Variants in CAPN15 observed in about 807,000 individuals in gnomAD.
The protein encoded by CAPN15 is calpain 15.
A neutral mutation model predicts 97.9 loss-of-function variants in CAPN15; 53 were observed. The ratio of observed to expected loss-of-function variants is 0.54; its 90% confidence interval spans 0.43 to 0.68. The LOEUF is 0.68. CAPN15 is among the 30% of genes least tolerant of loss of function. CAPN15 has a pLI of 0.00. For synonymous variants in CAPN15, 922 were observed against 722.5 expected (o/e 1.28, Z -4.43); for missense variants, 1,592 against 1,589.8 (o/e 1.00, Z -0.02).
At chr16:531,408 C>A (rs566637174) in intron 1 of CAPN15, among the ~76,000 whole-genome samples, 1 of 152,112 alleles carries the variant, frequency 6.6e-6, no homozygotes, top group African/African-American at 2.4e-5. Flanking sequence ...GAACCTCTTA[C>A]ACCTTCTGCC....
chr16:542,883 A>C (rs546215075), intron 3 of CAPN15, among the ~76,000 whole-genome samples: 1 of 152,176 alleles, frequency 6.6e-6, no homozygotes, highest in Non-Finnish European at 1.5e-5. Flanking sequence ...GTGAAACCCC[A>C]TCTCTACTAA....
chr16:552,075 T>C lies in CAPN15; in HGVS notation c.2370T>C (p.Cys790=). Residue 790 remains cysteine (C), a synonymous_variant, in exon 10 of 14, where the codon TGT becomes TGC. Coordinates refer to ENST00000219611, the MANE Select transcript of CAPN15 (RefSeq NM_005632.3). The surrounding 1 kb of genome is among the most constrained non-coding windows in gnomAD (Gnocchi z 6.4). ...GGTACTTCGACTCCGTGGACATCTG[T>C]AAGGTGCACTCGGACTGGCAGGAGG... ...FVRYFDSVDI[C]KVHSDWQEAR... 6.5e-7 allele frequency: 1 copy of C among 1,549,148 alleles called. No individual in the cohort carries two copies. The highest frequency in any genetic ancestry group is 8.7e-7 in the Non-Finnish European group (1 of 1,146,922).
At position 536,101 on chromosome 16, in the gene CAPN15, G is replaced by C; in HGVS notation, c.-64G>C. ...GGGGCCACTGCACTGGGTGATTCAC[G>C]TGTGCCCAGGCCCTGAGGTGGGCCG... On this transcript the variant is annotated 5_prime_UTR_variant, in exon 3 of 14. Coordinates refer to ENST00000219611, the MANE Select transcript of CAPN15 (RefSeq NM_005632.3). 1.0e-6 allele frequency: 1 copy of C among 983,068 alleles called. No individual in the cohort carries two copies. The highest frequency in any genetic ancestry group is 1.2e-6 in the Non-Finnish European group (1 of 829,520). 60.9% of individuals were successfully genotyped at this position (983,068 alleles called of 1,614,324 possible).
chr16:543,980 C>T (rs1360105107), intron 3 of CAPN15, among the ~76,000 whole-genome samples: 3 of 142,746 alleles, frequency 2.1e-5, no homozygotes. Flanking sequence ...CAGCCTGCGG[C>T]CATGCGGCCA....
chr16:542,870 A>G (rs989952227), intron 3 of CAPN15, among the ~76,000 whole-genome samples: 2 of 152,202 alleles, frequency 1.3e-5, no homozygotes, highest in African/African-American at 2.4e-5. Flanking sequence ...CCTGGCCAAC[A>G]TGGTGAAACC....
chr16:530,917 C>A (rs1453319791), intron 1 of CAPN15, among the ~76,000 whole-genome samples: 1 of 152,238 alleles, frequency 6.6e-6, no homozygotes, highest in Non-Finnish European at 1.5e-5. Context: ...ACCCATGAGT[C>A]CCGTCGGGTC....
At chr16:542,094 C>T (rs2034159170) in intron 3 of CAPN15, among the ~76,000 whole-genome samples, 1 of 152,236 alleles carries the variant, frequency 6.6e-6, no homozygotes. Context: ...CCGTGTCTGG[C>T]CTCTTCACTC....
intron 3 of CAPN15, among the ~76,000 whole-genome samples, chr16:542,922 G>A (rs1410795388): frequency 6.6e-6 from 1 of 152,160 alleles, no homozygotes; most frequent in Non-Finnish European, 1.5e-5. Context: ...GTGGTGACGG[G>A]CACCTATAAT....
chr16:545,202 G>A (rs1029286606), intron 3 of CAPN15, among the ~76,000 whole-genome samples: 1 of 152,104 alleles, frequency 6.6e-6, no homozygotes, highest in African/African-American at 2.4e-5. Context: ...ATCTTTGTAA[G>A]GGTTTCGGGT....
chr16:547,909 C>A lies in CAPN15; in HGVS notation c.1071C>A (p.Ala357=). The A allele has an allele frequency of 6.2e-7, 1 of 1,609,706 alleles. No homozygotes were observed. The highest frequency in any genetic ancestry group is 8.5e-7 in the Non-Finnish European group (1 of 1,178,574). Residue 357 remains alanine (A), a synonymous_variant, in exon 4 of 14, where the codon GCC becomes GCA. Coordinates refer to ENST00000219611, the MANE Select transcript of CAPN15 (RefSeq NM_005632.3). The part of the protein sequence containing the change: ...AKCTLRNPTV[A]PRCSACGCSK... ...GCACGCTCAGAAACCCCACAGTGGC[C>A]CCCAGGTGCTCGGCCTGCGGCTGCT...
chr16:529,638 G>T (rs995556845), intron 1 of CAPN15, among the ~76,000 whole-genome samples: 1 of 152,082 alleles, frequency 6.6e-6, no homozygotes, highest in East Asian at 1.9e-4. Flanking sequence ...GTTGGTGGCC[G>T]AGTTGCCCCT....
At chr16:528,234 T>G (rs2032993919) in intron 1 of CAPN15, among the ~76,000 whole-genome samples, 2 of 150,896 alleles carry the variant, frequency 1.3e-5, no homozygotes. Flanking sequence ...TCCAGGCTGG[T>G]GGGGGCCAGG....
At position 549,478 on chromosome 16, in the gene CAPN15, C is replaced by T. The variant is rs765258669; in HGVS notation, c.1842+7C>T. On this transcript the variant is annotated splice_region_variant and intron_variant, in intron 6 of 13. Transcript: ENST00000219611. ...CTGCCTCCTCTTCTCACAGGTGGGG[C>T]GGCCTGCAGGGTGGGCACGGGCGGC... is the stretch of plus-strand genomic sequence containing the variant. 20 of 1,568,574 alleles carry T rather than the reference C, an allele frequency of 1.3e-5. No individual in the cohort carries two copies. The highest frequency in any genetic ancestry group is 7.0e-5 in the Admixed American group (4 of 57,492).
Position 544,604 on chromosome 16 carries a change from C to T in CAPN15, c.-22-2213C>T, listed in dbSNP as rs918059141. ...GTCGGCAACGCCCAGATAACTGGGG[C>T]GCGCGGGTCTTTTGTGCTGGATTTT... On this transcript the variant is annotated intron_variant, in intron 3 of 13. Transcript: ENST00000219611. Among the ~76,000 whole-genome samples, 7 of 152,038 alleles carry T rather than the reference C, an allele frequency of 4.6e-5. No individual in the cohort carries two copies. In the East Asian group the frequency reaches 5.8e-4, roughly 13 times the overall value.
At position 549,507 on chromosome 16, in the gene CAPN15, G is replaced by T. The variant is rs754522744; in HGVS notation, c.1842+36G>T. On this transcript the variant is annotated intron_variant, in intron 6 of 13. Coordinates refer to ENST00000219611, the MANE Select transcript of CAPN15 (RefSeq NM_005632.3). ...CTGCAGGGTGGGCACGGGCGGCAGG[G>T]GCAGCCTCTGACCCCAGCCCCGAAA... The T allele has an allele frequency of 4.5e-6, 7 of 1,552,462 alleles. 1 individual carries two copies. In the Middle Eastern group the frequency reaches 6.7e-4, roughly 149 times the overall value.
At position 536,101 on chromosome 16, in the gene CAPN15, G is replaced by A. The variant is rs981939226; in HGVS notation, c.-64G>A. On this transcript the variant is annotated 5_prime_UTR_variant, in exon 3 of 14. In the 5' UTR this introduces an upstream ATG that the reference lacks. Coordinates refer to ENST00000219611, the MANE Select transcript of CAPN15 (RefSeq NM_005632.3). ...GGGGCCACTGCACTGGGTGATTCACGTGTGCCCAGGCCCTGAGGTGGGCCG... is the reference window on the plus strand; with the variant it reads ...GGGGCCACTGCACTGGGTGATTCACATGTGCCCAGGCCCTGAGGTGGGCCG... 1.7e-5 allele frequency: 17 copies of A among 982,950 alleles called. No individual in the cohort carries two copies. The highest frequency in any genetic ancestry group is 1.9e-5 in the Non-Finnish European group (16 of 829,528). 60.9% of individuals were successfully genotyped at this position (982,950 alleles called of 1,614,324 possible). A position where few individuals can be genotyped will look rare whatever the true frequency, so the allele number is the denominator to read the frequency against.
In CAPN15 at chr16:535,670, G is replaced by A. The variant is rs948844324; in HGVS notation, c.-136-359G>A. On this transcript the variant is annotated intron_variant, in intron 2 of 13. Transcript: ENST00000219611. The surrounding 1 kb of genome is among the most constrained non-coding windows in gnomAD (Gnocchi z 6.2). Reference sequence around the variant, plus strand: ...ACCCTGCCCCTCCAGGGAGCCCAGAGGCGGGCGTGGCTGCAGCCTGGCTCT... The same window carrying A: ...ACCCTGCCCCTCCAGGGAGCCCAGAAGCGGGCGTGGCTGCAGCCTGGCTCT... Among the ~76,000 whole-genome samples the A allele has an allele frequency of 6.6e-6, 1 of 152,176 alleles. No homozygotes were observed. Among genetic ancestry groups the A allele is most frequent in the Non-Finnish European group, 1.5e-5 (1 of 67,996 alleles).
intron 3 of CAPN15, among the ~76,000 whole-genome samples, chr16:542,613 G>A (rs1275885388): frequency 1.3e-5 from 2 of 151,992 alleles, no homozygotes; most frequent in Admixed American, 6.6e-5. Context: ...TTAGAGACAG[G>A]GTCTTACTCT....
intron 1 of CAPN15, 38 bp downstream of exon 1, chr16:528,067 CG>C: frequency 7.0e-6 from 1 of 143,206 alleles, no homozygotes; most frequent in South Asian, 2.1e-4. Context: ...GGCGCCCAGC[CG>C]GGGACCCCGG....
Sources: allele counts gnomAD v4.1 joint callset (sites outside exome capture counted in the v4.1 genomes callset), GRCh38; gene constraint gnomAD v4.1.1; non-coding constraint Gnocchi (gnomAD v3.1); transcripts MANE v1.5; gene names NCBI Gene and HGNC (gene_info 2026-07-23, HGNC 2026-07-21).